The following SEMA3C variants were observed in gnomAD, a reference collection of about 807,000 sequenced individuals.
SEMA3C encodes semaphorin-3C.
SEMA3C carries 47 observed loss-of-function variants against 89.4 expected under a neutral mutation model. The observed-to-expected ratio is 0.53, with a 90% CI of 0.42 to 0.67. SEMA3C has a LOEUF of 0.67. Among genes scored for constraint, SEMA3C ranks in the 30% least tolerant of loss-of-function variants. SEMA3C has a pLI of 0.00. For synonymous variants in SEMA3C, 310 were observed against 320.2 expected, an observed-to-expected ratio of 0.97 and a Z score of 0.34; for missense variants, 839 against 929.1, an observed-to-expected ratio of 0.90 and a Z score of 1.26.
At chr7:80,755,991 T>A (rs549642741) in intron 15 of SEMA3C, among the ~76,000 whole-genome samples, 3 of 152,246 alleles carry the variant, frequency 2.0e-5, no homozygotes, top group African/African-American at 7.2e-5. Flanking sequence ...TCTACGAGAC[T>A]CCTGGTTTAA....
intron 15 of SEMA3C, among the ~76,000 whole-genome samples, chr7:80,753,020 G>A (rs193283484): frequency 3.9e-5 from 6 of 152,260 alleles, no homozygotes; most frequent in Admixed American, 2.0e-4. Flanking sequence ...CAAAGTCATT[G>A]ATAGTGAAAA....
intron 15 of SEMA3C, among the ~76,000 whole-genome samples, chr7:80,754,957 G>GTTTTTTTTTTGTTTTGTTTTTT (rs1449995090): frequency 4.0e-4 from 43 of 108,378 alleles, no homozygotes; most frequent in Middle Eastern, 5.0e-3. Context: ...GTTTTTTTTT[G>GTTTTTTTTTTGTTTTGTTTTTT]TTTTTTTTTT....
intron 12 of SEMA3C, among the ~76,000 whole-genome samples, chr7:80,775,590 T>C (rs1427507097): frequency 1.3e-5 from 2 of 152,118 alleles, no homozygotes; most frequent in African/African-American, 2.4e-5. Context: ...TTTTCTTTTT[T>C]CTTAAATTTC....
At chr7:80,869,653 A>C (rs1562915658) in intron 2 of SEMA3C, among the ~76,000 whole-genome samples, 1 of 152,304 alleles carries the variant, frequency 6.6e-6, no homozygotes, top group South Asian at 2.1e-4. Flanking sequence ...TTTTTGATTA[A>C]CATGTTTTCC....
At position 80,765,257 on chromosome 7, in the gene SEMA3C, A is replaced by G; in HGVS notation, c.1355-14T>C. ...CAGTACCCCGATCTAAATTAAAAAA[A>G]GAAGAAATGAGATGTTACAATACTT... is the stretch of plus-strand genomic sequence containing the variant. On this transcript the variant is annotated splice_polypyrimidine_tract_variant and intron_variant, in intron 12 of 17. Coordinates refer to ENST00000265361, the MANE Select transcript of SEMA3C (RefSeq NM_006379.5). 1 of 1,567,036 alleles carries G rather than the reference A, an allele frequency of 6.4e-7. No homozygotes were observed. Among genetic ancestry groups the G allele is most frequent in the South Asian group, 1.1e-5 (1 of 89,334 alleles).
chr7:80,847,591 T>C (rs900321676), intron 2 of SEMA3C, among the ~76,000 whole-genome samples: 5 of 152,244 alleles, frequency 3.3e-5, no homozygotes, highest in African/African-American at 1.2e-4. Flanking sequence ...GGTTTTTTTT[T>C]CCCCTTTCCA....
intron 1 of SEMA3C, among the ~76,000 whole-genome samples, 179 bp downstream of exon 1, chr7:80,918,649 G>A (rs763724635): frequency 2.6e-5 from 4 of 152,112 alleles, no homozygotes; most frequent in Non-Finnish European, 4.4e-5. Flanking sequence ...AGGTGTCACC[G>A]CCTAAAGAAA....
intron 2 of SEMA3C, among the ~76,000 whole-genome samples, chr7:80,843,460 T>C (rs1309302275): frequency 6.6e-6 from 1 of 152,156 alleles, no homozygotes; most frequent in African/African-American, 2.4e-5. Context: ...TGGCACTGCA[T>C]CTGACTAGCT....
intron 12 of SEMA3C, among the ~76,000 whole-genome samples, chr7:80,775,787 T>C (rs545626301): frequency 6.6e-6 from 1 of 152,268 alleles, no homozygotes; most frequent in Non-Finnish European, 1.5e-5. Flanking sequence ...TTACCTAATA[T>C]ATATGAATAC....
At chr7:80,790,896 C>T (rs1405477702) in intron 11 of SEMA3C, among the ~76,000 whole-genome samples, 1 of 152,100 alleles carries the variant, frequency 6.6e-6, no homozygotes, top group East Asian at 1.9e-4. Context: ...GTTTTGCCAT[C>T]AGACTTATAA....
At chr7:80,880,865 C>T (rs529961309) in intron 2 of SEMA3C, among the ~76,000 whole-genome samples, 13 of 152,214 alleles carry the variant, frequency 8.5e-5, no homozygotes, top group African/African-American at 3.1e-4. Flanking sequence ...GTGAAGGCTG[C>T]AGTGAGCTGA....
At chr7:80,885,817 C>T (rs569362191) in intron 2 of SEMA3C, among the ~76,000 whole-genome samples, 13 of 152,256 alleles carry the variant, frequency 8.5e-5, no homozygotes, top group South Asian at 6.2e-4. Context: ...TACATTCCAC[C>T]GCTCCAAAAA....
intron 5 of SEMA3C, among the ~76,000 whole-genome samples, chr7:80,810,925 C>T (rs1158911956): frequency 6.6e-6 from 1 of 152,092 alleles, no homozygotes; most frequent in Non-Finnish European, 1.5e-5. Flanking sequence ...TTGCACTCCC[C>T]AGAGAGCTGA....
intron 17 of SEMA3C, among the ~76,000 whole-genome samples, chr7:80,748,098 C>T (rs1054046753): frequency 5.9e-5 from 9 of 152,094 alleles, no homozygotes; most frequent in Admixed American, 2.6e-4. Flanking sequence ...GCTCCACTTC[C>T]CCCTTGGCTC....
At chr7:80,864,227 C>T (rs1270419118) in intron 2 of SEMA3C, among the ~76,000 whole-genome samples, 1 of 151,522 alleles carries the variant, frequency 6.6e-6, no homozygotes, top group Non-Finnish European at 1.5e-5. Flanking sequence ...AGACAATGGA[C>T]TTTGGGGACT....
At chr7:80,882,869 T>A (rs1049074461) in intron 2 of SEMA3C, among the ~76,000 whole-genome samples, 3 of 151,846 alleles carry the variant, frequency 2.0e-5, no homozygotes, top group African/African-American at 7.3e-5. Flanking sequence ...AATAGACATA[T>A]GAAAATTTAA....
At chr7:80,841,067 G>A (rs1267159271) in intron 2 of SEMA3C, among the ~76,000 whole-genome samples, 1 of 152,100 alleles carries the variant, frequency 6.6e-6, no homozygotes, top group Non-Finnish European at 1.5e-5. Flanking sequence ...GCAGAAACAA[G>A]GAGCCAACCA....
intron 2 of SEMA3C, among the ~76,000 whole-genome samples, chr7:80,870,205 T>C (rs1431293373): frequency 1.3e-5 from 2 of 152,168 alleles, no homozygotes; most frequent in Non-Finnish European, 2.9e-5. Context: ...TATCTGCAAT[T>C]ACCTTGCCCC....
intron 16 of SEMA3C, among the ~76,000 whole-genome samples, chr7:80,750,316 C>CTA (rs1170315356): frequency 1.3e-5 from 2 of 151,082 alleles, no homozygotes; most frequent in African/African-American, 4.9e-5. Flanking sequence ...TCAACAGGCA[C>CTA]TATAGTACAC....
Sources: gnomAD v4.1 joint callset for allele counts (sites outside exome capture counted in the v4.1 genomes callset) on GRCh38, gnomAD v4.1.1 for gene constraint, MANE v1.5 for transcripts, NCBI Gene and HGNC (gene_info 2026-07-23, HGNC 2026-07-21) for gene names.